Variants in PFKP observed in about 807,000 individuals in gnomAD.
The protein encoded by PFKP is ATP-dependent 6-phosphofructokinase, platelet type.
A neutral mutation model predicts 94.3 loss-of-function variants in PFKP; 101 were observed. The ratio of observed to expected loss-of-function variants is 1.07; its 90% CI spans 0.91 to 1.26. The LOEUF (loss-of-function observed/expected upper bound fraction) is 1.26, where lower values mean the gene tolerates loss of function less well. PFKP is among the 50% of genes most tolerant of loss of function. The probability of loss-of-function intolerance (pLI) is 0.00; values close to 1 mark genes in which losing one functional copy is unlikely to be tolerated. For missense variants in PFKP, 1,145 were observed against 1,103.3 expected (o/e 1.04, Z -0.53); for synonymous variants, 573 against 432.6 (o/e 1.32, Z -4.03).
chr10:3,076,180 G>A (rs150524626), intron 1 of PFKP, among the ~76,000 whole-genome samples: 2 of 152,286 alleles, frequency 1.3e-5, no homozygotes, highest in African/African-American at 4.8e-5. Context: ...GAAGCTTAAA[G>A]CACATCTCCA....
chr10:3,135,684 C>A (rs2306317), intron 20 of PFKP, 52 bp from the exon 21 acceptor site: 7 of 1,100,614 alleles, frequency 6.4e-6, no homozygotes, highest in East Asian at 2.4e-5. Context: ...TCTGCTCCCC[C>A]ACCTGCCCAT....
chr10:3,104,528 C>T (rs560483612), intron 5 of PFKP, among the ~76,000 whole-genome samples: 61 of 152,356 alleles, frequency 4.0e-4, no homozygotes, highest in African/African-American at 1.1e-3. Flanking sequence ...CCCAGCATGG[C>T]GCCTCCCAGT....
At chr10:3,133,092 A>T (rs1237604776) in intron 18 of PFKP, 111 bp from the exon 19 acceptor site, 3 of 756,770 alleles carry the variant, frequency 4.0e-6, no homozygotes, top group Non-Finnish European at 7.1e-6. Context: ...ATGTAGAATC[A>T]CCATAGGGTT....
At chr10:3,093,141 A>G (rs898343408) in intron 2 of PFKP, among the ~76,000 whole-genome samples, 94 of 150,994 alleles carry the variant, frequency 6.2e-4, no homozygotes, top group African/African-American at 2.1e-3. Context: ...CTAGTTGGCA[A>G]GACAAAGAGC....
intron 4 of PFKP, among the ~76,000 whole-genome samples, chr10:3,101,984 G>T (rs953654202): frequency 4.0e-5 from 6 of 150,754 alleles, no homozygotes; most frequent in African/African-American, 7.3e-5. Flanking sequence ...GGGCGCGGTG[G>T]CTCACGCCTG....
In PFKP at chr10:3,082,433, T is replaced by C; in HGVS notation, c.158T>C (p.Val53Ala). Residue 53 changes from valine (V) to alanine (A), a missense_variant, in exon 2 of 22, where the codon GTG becomes GCG. Around this residue, in one of 3 missense-constraint regions of PFKP, gnomAD observed 1,119 missense variants for 1,062.8 expected, o/e 1.05. Coordinates refer to ENST00000381125, the MANE Select transcript of PFKP (RefSeq NM_002627.5). ...VRAVVRMGIYVGAKVYFIYEG... is the reference protein window; with the variant it reads ...VRAVVRMGIYAGAKVYFIYEG... ...GCCGTGGTGCGCATGGGTATCTACG[T>C]GGGGGCCAAGGTGTACTTCATCTAC... 1 of 1,608,354 alleles carries C rather than the reference T, an allele frequency of 6.2e-7. No individual in the cohort carries two copies.
At chr10:3,092,722 C>A (rs999634382) in intron 2 of PFKP, among the ~76,000 whole-genome samples, 1 of 152,136 alleles carries the variant, frequency 6.6e-6, no homozygotes, top group Non-Finnish European at 1.5e-5. Flanking sequence ...TGATAGAAAC[C>A]CTTCATTCTT....
chr10:3,114,163 T>TTG (rs1836556052), intron 13 of PFKP, among the ~76,000 whole-genome samples: 1 of 151,594 alleles, frequency 6.6e-6, no homozygotes, highest in Non-Finnish European at 1.5e-5. Flanking sequence ...TTCTTTTTTT[T>TTG]TTTTGAGACG....
intron 2 of PFKP, among the ~76,000 whole-genome samples, chr10:3,097,868 A>T (rs921133966): frequency 2.6e-5 from 4 of 152,128 alleles, no homozygotes; most frequent in Non-Finnish European, 5.9e-5. Context: ...AATTAGCCAG[A>T]TGTGGTAGTG....
intron 19 of PFKP, among the ~76,000 whole-genome samples, 179 bp downstream of exon 19, chr10:3,133,493 C>T (rs142830610): frequency 4.6e-5 from 7 of 152,306 alleles, no homozygotes; most frequent in African/African-American, 9.6e-5. Context: ...TGCAGTGGTA[C>T]AAGCTTGGCT....
chr10:3,067,586 C>G lies in PFKP; in HGVS notation c.-10C>G, dbSNP rs1244211992. 7 of 1,466,782 alleles carry G rather than the reference C, an allele frequency of 4.8e-6. No homozygotes were observed. Among genetic ancestry groups the G allele is most frequent in the Middle Eastern group, 1.8e-4 (1 of 5,662 alleles). 90.9% of individuals were successfully genotyped at this position (1,466,782 alleles called of 1,614,324 possible). On this transcript the variant is annotated 5_prime_UTR_variant, in exon 1 of 22. Transcript: ENST00000381125. ...CACCCGGACGTGCGGCTCCCCTCGG[C>G]CTCCTCGCCATGGACGCGGACGACT...
intron 1 of PFKP, among the ~76,000 whole-genome samples, chr10:3,076,280 C>T (rs1236246880): frequency 6.6e-6 from 1 of 152,008 alleles, no homozygotes; most frequent in Non-Finnish European, 1.5e-5. Flanking sequence ...TTAGAAGGTC[C>T]CCATGTGGGT....
chr10:3,077,553 A>T (rs1196211241), intron 1 of PFKP, among the ~76,000 whole-genome samples: 1 of 151,706 alleles, frequency 6.6e-6, no homozygotes, highest in East Asian at 1.9e-4. Flanking sequence ...GGCATGAGGC[A>T]TCGTGCCTGG....
intron 1 of PFKP, among the ~76,000 whole-genome samples, chr10:3,079,657 C>CGGGGGGGG (rs1456588977): frequency 1.0e-3 from 8 of 7,800 alleles, no homozygotes; most frequent in Non-Finnish European, 1.9e-3. Flanking sequence ...CTTCAGAGAG[C>CGGGGGGGG]GGGGTGGGGG....
chr10:3,098,343 A>G (rs1834668307), intron 2 of PFKP, among the ~76,000 whole-genome samples: 1 of 152,100 alleles, frequency 6.6e-6, no homozygotes, highest in Non-Finnish European at 1.5e-5. Context: ...GATCTTGTAT[A>G]TTCCGTGGAG....
At chr10:3,067,809 A>C in intron 1 of PFKP, 102 bp downstream of exon 1, 154 of 338,182 alleles carry the variant, frequency 4.6e-4, no homozygotes, top group Middle Eastern at 1.8e-3. Context: ...GGGGGAAGCG[A>C]TGGGGGGGAC....
intron 3 of PFKP, chr10:3,101,026 C>T (rs753595283): frequency 7.6e-6 from 12 of 1,581,182 alleles, no homozygotes; most frequent in Middle Eastern, 1.7e-4. Flanking sequence ...TTTGGTTCCA[C>T]GTGCACCTGG....
intron 8 of PFKP, chr10:3,108,024 T>A (rs1403252507): frequency 7.8e-7 from 1 of 1,288,908 alleles, no homozygotes; most frequent in South Asian, 1.2e-5. Flanking sequence ...GAGCAAAGCA[T>A]ATCTCTGGAT....
intron 16 of PFKP, 176 bp from the exon 17 acceptor site, chr10:3,129,643 C>T (rs1838327175): frequency 1.5e-6 from 1 of 685,038 alleles, no homozygotes; most frequent in East Asian, 2.8e-5. Flanking sequence ...ACCACGTTCA[C>T]ACCCACTCCG....
Sources: gnomAD v4.1 joint callset for allele counts (sites outside exome capture counted in the v4.1 genomes callset) on GRCh38, gnomAD v4.1.1 for gene constraint, gnomAD v4.1.1 regional missense constraint, MANE v1.5 for transcripts, NCBI Gene and HGNC (gene_info 2026-07-23, HGNC 2026-07-21) for gene names.